INHBA: variants seen among roughly 807,000 people sequenced by gnomAD.
INHBA encodes the protein inhibin subunit beta A, also known as inhibin beta A chain.
Under a neutral mutation model 29.0 loss-of-function variants are expected in INHBA, and 1 was observed. The ratio of observed to expected loss-of-function variants is 0.03; its 90% confidence interval spans 0.01 to 0.16. The LOEUF (loss-of-function observed/expected upper bound fraction) is 0.16. Among genes scored for constraint, INHBA ranks in the 10% least tolerant of loss-of-function variants. The pLI is 1.00. For synonymous variants in INHBA, 242 were observed against 216.8 expected, an observed-to-expected ratio of 1.12 and a Z score of -1.02; for missense variants, 376 against 545.4, an observed-to-expected ratio of 0.69 and a Z score of 3.09.
intron 2 of INHBA, among the ~76,000 whole-genome samples, chr7:41,694,508 A>G (rs1794596664): frequency 6.6e-6 from 1 of 152,194 alleles, no homozygotes; most frequent in Non-Finnish European, 1.5e-5. Flanking sequence ...ATGTCTTCCC[A>G]TAGTGCGCCG....
At position 41,685,639 on chromosome 7, in the gene INHBA, A is replaced by G. The variant is rs1319115359; in HGVS notation, c.*4011T>C. 6.6e-6 allele frequency: 1 copy of G among 152,086 alleles called. No homozygotes were observed. The highest frequency in any genetic ancestry group is 1.9e-4 in the East Asian group (1 of 5,202). 9.4% of individuals were successfully genotyped at this position (152,086 alleles called of 1,614,324 possible). A position where few individuals can be genotyped will look rare whatever the true frequency, so the allele number is the denominator to read the frequency against. Reference sequence around the variant, plus strand: ...ACCCATTGTCAATGCACTGTTTTTCAAAGCATTTAAATAGAGGGTAAAACC... The same window carrying G: ...ACCCATTGTCAATGCACTGTTTTTCGAAGCATTTAAATAGAGGGTAAAACC... On this transcript the variant is annotated 3_prime_UTR_variant, in exon 3 of 3. Transcript: ENST00000242208.
chr7:41,690,281 G>C lies in INHBA; in HGVS notation c.650C>G (p.Thr217Ser), dbSNP rs759072574. 1 of 1,613,978 alleles carries C rather than the reference G, an allele frequency of 6.2e-7. No homozygotes were observed. Among genetic ancestry groups the C allele is most frequent in the Non-Finnish European group, 8.5e-7 (1 of 1,179,994 alleles). The change falls in exon 3 of 3, where the codon ACC becomes AGC. Residue 217 changes from threonine to serine, a missense_variant. This residue lies in a region of INHBA where 253 missense variants were observed against 313.4 expected (regional missense o/e 0.81). Coordinates refer to ENST00000242208, the MANE Select transcript of INHBA (RefSeq NM_002192.4). ...SEKVVDARKS[T>S]WHVFPVSSSI... ...GCTGGAGACAGGGAAGACATGCCAGGTGCTCTTCCGAGCGTCTACTACTTT... is the reference window on the plus strand; with the variant it reads ...GCTGGAGACAGGGAAGACATGCCAGCTGCTCTTCCGAGCGTCTACTACTTT...
At position 41,688,583 on chromosome 7, in the gene INHBA, G is replaced by A. The variant is rs1794433218; in HGVS notation, c.*1067C>T. The A allele has an allele frequency of 6.6e-6, 1 of 151,606 alleles. No individual in the cohort carries two copies. The highest frequency in any genetic ancestry group is 3.4e-3 in the Middle Eastern group (1 of 294). The allele number at this position is 151,606 out of a possible 1,614,324, so 9.4% of individuals were successfully genotyped here. A position where few individuals can be genotyped will look rare whatever the true frequency, so the allele number is the denominator to read the frequency against. The stretch of plus-strand genomic sequence containing the variant: ...AATAAAAATAGCTATTTTGTGTGCT[G>A]TAGCAGTTCTTTTATAGCTCACATT... On this transcript the variant is annotated 3_prime_UTR_variant, in exon 3 of 3. Coordinates refer to ENST00000242208, the MANE Select transcript of INHBA (RefSeq NM_002192.4).
At chr7:41,690,629 A>T in intron 2 of INHBA, 87 bp from the exon 3 acceptor site, 1 of 1,440,446 alleles carries the variant, frequency 6.9e-7, no homozygotes, top group Non-Finnish European at 9.1e-7. Context: ...GGCAAGCAGG[A>T]GTCTTCTGTG....
Position 41,700,343 on chromosome 7 carries a change from A to C in INHBA, c.32T>G (p.Leu11Trp), listed in dbSNP as rs1794750837. The change falls in exon 2 of 3, where the codon TTG (leucine) becomes TGG (tryptophan). Residue 11 changes from leucine (L) to tryptophan (W), a missense_variant. This residue lies in a region of INHBA where 71 missense variants were observed against 77.0 expected (regional missense o/e 0.92). Transcript: ENST00000242208. MPLLWLRGFL[L>W]ASCWIIVRSS... ...CCTCACTATAATCCAGCAACTTGCCAACAGAAATCCTCTCAGCCAAAGCAA... is the reference window on the plus strand; with the variant it reads ...CCTCACTATAATCCAGCAACTTGCCCACAGAAATCCTCTCAGCCAAAGCAA... 6.7e-7 allele frequency: 1 copy of C among 1,502,920 alleles called. No homozygotes were observed. The highest frequency in any genetic ancestry group is 8.9e-7 in the Non-Finnish European group (1 of 1,126,370). The allele number at this position is 1,502,920 out of a possible 1,614,324, so 93.1% of individuals were successfully genotyped here.
chr7:41,703,262 G>C (rs1023317815), upstream of INHBA, among the ~76,000 whole-genome samples: 1 of 152,146 alleles, frequency 6.6e-6, no homozygotes, highest in Non-Finnish European at 1.5e-5. Context: ...GCCCTTCCTG[G>C]CTTCTGAGAC....
At position 41,685,987 on chromosome 7, in the gene INHBA, T is replaced by C. The variant is rs1794387234; in HGVS notation, c.*3663A>G. The C allele has an allele frequency of 6.6e-6, 1 of 152,158 alleles. No individual in the cohort carries two copies. Among genetic ancestry groups the C allele is most frequent in the South Asian group, 2.1e-4 (1 of 4,830 alleles). The allele number at this position is 152,158 out of a possible 1,614,324, so 9.4% of individuals were successfully genotyped here. On this transcript the variant is annotated 3_prime_UTR_variant, in exon 3 of 3. Coordinates refer to ENST00000242208, the MANE Select transcript of INHBA (RefSeq NM_002192.4). The stretch of plus-strand genomic sequence containing the variant: ...ATTTTTTTAAGTGAATATGATAATA[T>C]GGGTCCGTGCTTAATACAACTGAGA...
rs1025790050 is a variant in INHBA at position 41,690,366 on chromosome 7, C to T, written c.565G>A (p.Gly189Arg). 3 of 1,613,988 alleles carry T rather than the reference C, an allele frequency of 1.9e-6. No homozygotes were observed. In the African/African-American group the frequency reaches 4.0e-5, roughly 22 times the overall value. The change falls in exon 3 of 3, where the codon GGG (glycine) becomes AGG (arginine). Residue 189 changes from glycine (G) to arginine (R), a missense_variant. Gly to Arg is a moderately radical substitution (Grantham distance 125, BLOSUM62 -2). Transcript: ENST00000242208. ...QKHPQGSLDT[G>R]EEAEEVGLKG... ...AAGCCCACTTCCTCGGCCTCTTCCC[C>T]TGTGTCCAAGCTGCCCTGCGGGTGC... is the stretch of plus-strand genomic sequence containing the variant.
chr7:41,695,813 A>G (rs1003876190), intron 2 of INHBA, among the ~76,000 whole-genome samples: 1 of 152,224 alleles, frequency 6.6e-6, no homozygotes, highest in Non-Finnish European at 1.5e-5. Flanking sequence ...TTTTGGACTT[A>G]GGAACCAGTC....
chr7:41,689,788 A>G lies in INHBA; in HGVS notation c.1143T>C (p.His381=). 1 of 1,614,096 alleles carries G rather than the reference A, an allele frequency of 6.2e-7. No homozygotes were observed. Among genetic ancestry groups the G allele is most frequent in the Non-Finnish European group, 8.5e-7 (1 of 1,179,994 alleles). Residue 381 remains histidine (H), a synonymous_variant, in exon 3 of 3, where the codon CAT becomes CAC. Transcript: ENST00000242208. ...ACGATTTGAGGTTGGCAAAGGGGCT[A>G]TGGCCCCGCATGCGGTAGTGGTTGA... is the stretch of plus-strand genomic sequence containing the variant. ...TVINHYRMRG[H]SPFANLKSCC...
chr7:41,700,560 G>C, intron 1 of INHBA, 43 bp from the exon 2 acceptor site: 1 of 526,366 alleles, frequency 1.9e-6, no homozygotes, highest in South Asian at 4.5e-5. Context: ...TTTGTTTGCA[G>C]GTTCCTCTCT....
chr7:41,699,990 A>G lies in INHBA; in HGVS notation c.385T>C (p.Ser129Pro). Residue 129 changes from serine to proline, a missense_variant, in exon 2 of 3, where the codon TCA becomes CCA. By Grantham distance (74) the Ser-to-Pro change is moderately conservative (BLOSUM62 -1). Around this residue, in one of 4 missense-constraint regions of INHBA, gnomAD observed 253 missense variants for 313.4 expected, o/e 0.81. Transcript: ENST00000242208. Reference sequence around the variant, plus strand: ...CCCTGCCAATGCCAGCACCAACCTGACTCGGCAAACGTGATGATCTCCGAG... The same window carrying G: ...CCCTGCCAATGCCAGCACCAACCTGGCTCGGCAAACGTGATGATCTCCGAG... ...QTSEIITFAE[S>P]GTARKTLHFE... is the part of the protein sequence containing the mutation. The G allele has an allele frequency of 8.4e-7, 1 of 1,197,310 alleles. No individual in the cohort carries two copies. Among genetic ancestry groups the G allele is most frequent in the South Asian group, 1.4e-5 (1 of 73,332 alleles). The allele number at this position is 1,197,310 out of a possible 1,614,324, so 74.2% of individuals were successfully genotyped here.
chr7:41,699,218 T>G (rs1430800121), intron 2 of INHBA, among the ~76,000 whole-genome samples: 1 of 152,242 alleles, frequency 6.6e-6, no homozygotes, highest in Non-Finnish European at 1.5e-5. Context: ...CTGAGAGTAC[T>G]TTGTCAAGGT....
rs1179829589 is a variant in INHBA at position 41,685,846 on chromosome 7, C to T, written c.*3804G>A. 1.3e-5 allele frequency: 2 copies of T among 152,122 alleles called. No homozygotes were observed. The highest frequency in any genetic ancestry group is 2.9e-5 in the Non-Finnish European group (2 of 67,998). The allele number at this position is 152,122 out of a possible 1,614,324, so 9.4% of individuals were successfully genotyped here. A position where few individuals can be genotyped will look rare whatever the true frequency, so the allele number is the denominator to read the frequency against. The stretch of plus-strand genomic sequence containing the variant: ...GGTTTAATTTAAACACATACAATGT[C>T]CACCCCCAAACCTTCTGCCCACATC... On this transcript the variant is annotated 3_prime_UTR_variant, in exon 3 of 3. Coordinates refer to ENST00000242208, the MANE Select transcript of INHBA (RefSeq NM_002192.4).
upstream of INHBA, among the ~76,000 whole-genome samples, chr7:41,704,201 G>A (rs1284588963): frequency 6.6e-6 from 1 of 152,146 alleles, no homozygotes; most frequent in Non-Finnish European, 1.5e-5. Context: ...CTGGCCTCCT[G>A]ATGTGTGGCT....
At chr7:41,701,397 A>G (rs573005647) in intron 1 of INHBA, among the ~76,000 whole-genome samples, 53 of 152,138 alleles carry the variant, frequency 3.5e-4, no homozygotes, top group African/African-American at 1.1e-3. Context: ...CTTTCCCCCA[A>G]TTCATTCATA....
At chr7:41,696,371 T>C (rs1290423856) in intron 2 of INHBA, among the ~76,000 whole-genome samples, 3 of 152,242 alleles carry the variant, frequency 2.0e-5, no homozygotes, top group Non-Finnish European at 4.4e-5. Context: ...CTGCCTTCCA[T>C]AGAGCTCCGG....
chr7:41,701,900 C>T (rs946404378), intron 1 of INHBA, among the ~76,000 whole-genome samples: 1 of 152,186 alleles, frequency 6.6e-6, no homozygotes, highest in Non-Finnish European at 1.5e-5. Context: ...CAGATGAAAT[C>T]ATCATGGATT....
chr7:41,694,922 G>A (rs1170481227), intron 2 of INHBA, among the ~76,000 whole-genome samples: 2 of 152,196 alleles, frequency 1.3e-5, no homozygotes, highest in Non-Finnish European at 2.9e-5. Flanking sequence ...AAGCTGGAAG[G>A]AAAGATAGCT....
Sources: allele counts gnomAD v4.1 joint callset (sites outside exome capture counted in the v4.1 genomes callset), GRCh38; gene constraint gnomAD v4.1.1; regional missense constraint gnomAD v4.1.1; transcripts MANE v1.5; gene names NCBI Gene and HGNC (gene_info 2026-07-23, HGNC 2026-07-21).